Variants in FSTL5 observed in about 807,000 individuals in gnomAD.
The protein encoded by FSTL5 is follistatin-related protein 5.
A neutral mutation model predicts 89.1 loss-of-function variants in FSTL5; 62 were observed. That is an observed-to-expected ratio of 0.70 (90% CI 0.57 to 0.86). FSTL5 has a LOEUF of 0.86. Ranked by LOEUF, FSTL5 falls within the 40% of genes least tolerant of loss-of-function variation. FSTL5 has a pLI of 0.00. For synonymous variants in FSTL5, 383 were observed against 346.2 expected (o/e 1.11, Z -1.18); for missense variants, 1,057 against 1,001.6 (o/e 1.06, Z -0.75).
intron 3 of FSTL5, among the ~76,000 whole-genome samples, chr4:162,029,694 T>C (rs911629137): frequency 3.3e-5 from 5 of 152,042 alleles, no homozygotes; most frequent in Admixed American, 6.6e-5. Context: ...ACAGTAATTA[T>C]GTAAATTTGC....
intron 7 of FSTL5, among the ~76,000 whole-genome samples, chr4:161,623,197 T>G (rs1735204245): frequency 6.6e-6 from 1 of 152,010 alleles, no homozygotes; most frequent in Non-Finnish European, 1.5e-5. Context: ...GAAAACTTAC[T>G]TTTGAGATAT....
intron 4 of FSTL5, among the ~76,000 whole-genome samples, chr4:161,778,550 GTCTT>G (rs1460378294): frequency 3.3e-5 from 5 of 152,290 alleles, no homozygotes; most frequent in African/African-American, 1.2e-4. Flanking sequence ...ATGATAGACT[GTCTT>G]TATTTTTCAA....
intron 2 of FSTL5, among the ~76,000 whole-genome samples, chr4:162,108,270 T>C (rs530588002): frequency 6.6e-6 from 1 of 152,262 alleles, no homozygotes; most frequent in East Asian, 1.9e-4. Flanking sequence ...TTACATATAG[T>C]TGTAAATGAT....
At chr4:161,968,794 T>C (rs893909693) in intron 3 of FSTL5, among the ~76,000 whole-genome samples, 3 of 152,104 alleles carry the variant, frequency 2.0e-5, no homozygotes, top group South Asian at 2.1e-4. Flanking sequence ...TTGGTTTATA[T>C]TGAGCCAAAT....
At chr4:161,440,200 A>G (rs1251842687) in intron 15 of FSTL5, among the ~76,000 whole-genome samples, 1 of 152,156 alleles carries the variant, frequency 6.6e-6, no homozygotes, top group African/African-American at 2.4e-5. Context: ...ATCATTAAAC[A>G]TGTAAGAGAT....
At chr4:161,587,097 C>A (rs1381544445) in intron 8 of FSTL5, among the ~76,000 whole-genome samples, 1 of 152,096 alleles carries the variant, frequency 6.6e-6, no homozygotes, top group African/African-American at 2.4e-5. Context: ...TAGTCTATAT[C>A]ATTAAAACAA....
chr4:161,689,565 A>G (rs746367117), intron 6 of FSTL5, among the ~76,000 whole-genome samples: 39 of 152,162 alleles, frequency 2.6e-4, no homozygotes, highest in Admixed American at 5.2e-4. Context: ...TAATATGGCT[A>G]TTAGAAAATC....
rs994873385 is a variant in FSTL5 at position 161,506,247 on chromosome 4, ATT to A, written c.1339+4149_1339+4150del. On this transcript the variant is annotated intron_variant, in intron 11 of 15. Coordinates refer to ENST00000306100, the MANE Select transcript of FSTL5 (RefSeq NM_020116.5). ...TCACGCCCGGCATTTTTTTTTTTTA[ATT>A]TTTTGTAGAGACAGGTTTTTGCTAT... Among the ~76,000 whole-genome samples, 11 of 148,794 alleles carry A rather than the reference ATT, an allele frequency of 7.4e-5. No individual in the cohort carries two copies. In the East Asian group the frequency reaches 1.2e-3, roughly 16 times the overall value.
chr4:162,123,920 T>C (rs1241688515), intron 1 of FSTL5, among the ~76,000 whole-genome samples: 1 of 152,076 alleles, frequency 6.6e-6, no homozygotes, highest in African/African-American at 2.4e-5. Context: ...TAGTGTTTTA[T>C]AATATAACAG....
intron 7 of FSTL5, among the ~76,000 whole-genome samples, chr4:161,625,469 G>A (rs564433586): frequency 6.6e-6 from 1 of 152,158 alleles, no homozygotes; most frequent in East Asian, 1.9e-4. Context: ...TGCCTAAAAT[G>A]TGGCAAACAA....
rs1578932992 is a variant in FSTL5 at position 161,385,689 on chromosome 4, A to G, written c.*58T>C. Reference sequence around the variant, plus strand: ...GAAAGTTAAGTTGTAAATTTAAACAATGGATTAAGTGCAATGTATTGTAAA... The same window carrying G: ...GAAAGTTAAGTTGTAAATTTAAACAGTGGATTAAGTGCAATGTATTGTAAA... On this transcript the variant is annotated 3_prime_UTR_variant, in exon 16 of 16. Coordinates refer to ENST00000306100, the MANE Select transcript of FSTL5 (RefSeq NM_020116.5). The G allele has an allele frequency of 1.6e-6, 2 of 1,223,484 alleles. No individual in the cohort carries two copies. Among genetic ancestry groups the G allele is most frequent in the East Asian group, 4.7e-5 (2 of 42,446 alleles). 75.8% of individuals were successfully genotyped at this position (1,223,484 alleles called of 1,614,324 possible). A position where few individuals can be genotyped will look rare whatever the true frequency, so the allele number is the denominator to read the frequency against.
chr4:161,580,899 T>A (rs1213351707), intron 8 of FSTL5, among the ~76,000 whole-genome samples: 1 of 152,148 alleles, frequency 6.6e-6, no homozygotes, highest in Non-Finnish European at 1.5e-5. Flanking sequence ...TAAGTAGTTA[T>A]CAAGGGATAT....
intron 3 of FSTL5, among the ~76,000 whole-genome samples, chr4:162,021,506 T>C (rs1419870828): frequency 6.6e-6 from 1 of 152,138 alleles, no homozygotes; most frequent in Non-Finnish European, 1.5e-5. Flanking sequence ...AAGAGATTTA[T>C]AAATATTAGC....
chr4:161,700,549 T>C (rs569697292), intron 6 of FSTL5, among the ~76,000 whole-genome samples: 4 of 152,120 alleles, frequency 2.6e-5, no homozygotes, highest in Admixed American at 6.6e-5. Flanking sequence ...CTAATTTTTG[T>C]ATATTTGGTA....
At position 161,385,518 on chromosome 4, in the gene FSTL5, C is replaced by G; in HGVS notation, c.*229G>C. ...TAATTTACATATTTGATTCTTGTGA[C>G]TGATGTGATTTCTCATTAAATATTG... On this transcript the variant is annotated 3_prime_UTR_variant, in exon 16 of 16. Coordinates refer to ENST00000306100, the MANE Select transcript of FSTL5 (RefSeq NM_020116.5). The G allele has an allele frequency of 2.3e-6, 1 of 438,260 alleles. No individual in the cohort carries two copies. Among genetic ancestry groups the G allele is most frequent in the Non-Finnish European group, 4.0e-6 (1 of 249,282 alleles). 27.1% of individuals were successfully genotyped at this position (438,260 alleles called of 1,614,324 possible).
At chr4:161,415,663 T>TAGAG (rs540159042) in intron 15 of FSTL5, among the ~76,000 whole-genome samples, 11 of 148,576 alleles carry the variant, frequency 7.4e-5, no homozygotes, top group Admixed American at 4.7e-4. Flanking sequence ...CATATATATA[T>TAGAG]AGAGAGAGAG....
intron 11 of FSTL5, among the ~76,000 whole-genome samples, chr4:161,507,647 G>A (rs1730525113): frequency 6.6e-6 from 1 of 151,496 alleles, no homozygotes; most frequent in African/African-American, 2.4e-5. Context: ...TTAAAGATGA[G>A]TAGAAAGCTG....
chr4:161,827,564 C>A (rs1192272598), intron 4 of FSTL5, among the ~76,000 whole-genome samples: 1 of 152,164 alleles, frequency 6.6e-6, no homozygotes, highest in East Asian at 1.9e-4. Flanking sequence ...TAGAGAAAGA[C>A]CATCAGGTTC....
At chr4:161,692,997 C>T (rs778244699) in intron 6 of FSTL5, among the ~76,000 whole-genome samples, 23 of 152,120 alleles carry the variant, frequency 1.5e-4, no homozygotes, top group Non-Finnish European at 2.5e-4. Context: ...GCTGGGATTA[C>T]GGGTGTGAGC....
Sources: gnomAD v4.1 joint callset for allele counts (sites outside exome capture counted in the v4.1 genomes callset) on GRCh38, gnomAD v4.1.1 for gene constraint, MANE v1.5 for transcripts, NCBI Gene and HGNC (gene_info 2026-07-23, HGNC 2026-07-21) for gene names.